Variants in FNDC3B observed in about 807,000 individuals in gnomAD.
The protein encoded by FNDC3B is fibronectin type III domain containing 3B.
A neutral mutation model predicts 151.5 loss-of-function variants in FNDC3B; 12 were observed. The observed-to-expected ratio is 0.08, with a 90% CI of 0.05 to 0.13. The LOEUF (loss-of-function observed/expected upper bound fraction) is 0.13, where lower values mean the gene tolerates loss of function less well. Among genes scored for constraint, FNDC3B ranks in the 10% least tolerant of loss-of-function variants. FNDC3B has a pLI of 1.00. For synonymous variants in FNDC3B, 528 were observed against 549.0 expected (o/e 0.96, Z 0.54); for missense variants, 1,214 against 1,505.3 (o/e 0.81, Z 3.20).
intron 3 of FNDC3B, among the ~76,000 whole-genome samples, chr3:172,141,058 A>G (rs1721603297): frequency 1.3e-5 from 2 of 151,666 alleles, no homozygotes; most frequent in Admixed American, 1.3e-4. Context: ...GATAGTACCT[A>G]TCTGATAGGA....
At chr3:172,371,206 A>G (rs1734864788) in intron 23 of FNDC3B, among the ~76,000 whole-genome samples, 1 of 151,944 alleles carries the variant, frequency 6.6e-6, no homozygotes, top group Non-Finnish European at 1.5e-5. Flanking sequence ...ATCCTCCTGT[A>G]TACTTTAAAT....
At chr3:172,258,613 C>G (rs998491832) in intron 6 of FNDC3B, among the ~76,000 whole-genome samples, 9 of 152,096 alleles carry the variant, frequency 5.9e-5, no homozygotes, top group African/African-American at 2.2e-4. Context: ...ATTTTTGGGT[C>G]CTTGGAGTCT....
chr3:172,145,251 A>C (rs1721842001), intron 3 of FNDC3B, among the ~76,000 whole-genome samples: 1 of 152,170 alleles, frequency 6.6e-6, no homozygotes, highest in African/African-American at 2.4e-5. Context: ...TTTCTGTTCC[A>C]AATTGATAAG....
At chr3:172,371,682 T>C (rs1233390314) in intron 23 of FNDC3B, among the ~76,000 whole-genome samples, 1 of 152,236 alleles carries the variant, frequency 6.6e-6, no homozygotes, top group Non-Finnish European at 1.5e-5. Context: ...TGCCCGACGC[T>C]ATGGGCAGTG....
intron 3 of FNDC3B, among the ~76,000 whole-genome samples, chr3:172,189,009 T>A (rs941684862): frequency 1.4e-4 from 22 of 152,210 alleles, no homozygotes; most frequent in Admixed American, 1.4e-3. Context: ...GAATGAATCA[T>A]CTCACTGGGA....
At chr3:172,154,841 A>C (rs950809462) in intron 3 of FNDC3B, among the ~76,000 whole-genome samples, 5 of 152,076 alleles carry the variant, frequency 3.3e-5, no homozygotes, top group African/African-American at 1.2e-4. Flanking sequence ...CCTGCTTTTG[A>C]GCCTTCGTGA....
rs754470596 is a variant in FNDC3B, at chr3:172,307,504, G to A, written c.1200+3G>A. On this transcript the variant is annotated splice_donor_region_variant and intron_variant, in intron 10 of 25. Transcript: ENST00000415807. Reference sequence around the variant, plus strand: ...GTTCACTAACCCTGCAGTGGAAGGTGGGTAGCTCAAAGCATCAAGAATCGT... The same window carrying A: ...GTTCACTAACCCTGCAGTGGAAGGTAGGTAGCTCAAAGCATCAAGAATCGT... 5 of 1,614,058 alleles carry A rather than the reference G, an allele frequency of 3.1e-6. No homozygotes were observed. The highest frequency in any genetic ancestry group is 4.2e-6 in the Non-Finnish European group (5 of 1,179,978).
intron 4 of FNDC3B, among the ~76,000 whole-genome samples, chr3:172,231,334 G>A (rs1331858092): frequency 2.0e-5 from 3 of 152,112 alleles, no homozygotes; most frequent in Admixed American, 1.3e-4. Context: ...GTTTCTTTGC[G>A]GAGACGAAAA....
intron 3 of FNDC3B, among the ~76,000 whole-genome samples, chr3:172,146,460 G>A (rs1247640303): frequency 1.3e-5 from 2 of 152,118 alleles, no homozygotes; most frequent in African/African-American, 2.4e-5. Flanking sequence ...CTGAGCCCAG[G>A]GGAATTGTCA....
At chr3:172,067,937 G>T (rs991361563) in intron 1 of FNDC3B, among the ~76,000 whole-genome samples, 5 of 152,164 alleles carry the variant, frequency 3.3e-5, no homozygotes, top group African/African-American at 1.2e-4. Context: ...AGAACGTTCA[G>T]GCCATCATCA....
At position 172,092,782 on chromosome 3, in the gene FNDC3B, G is replaced by A. The variant is rs542329284; in HGVS notation, c.-28-19670G>A. On this transcript the variant is annotated intron_variant, in intron 1 of 25. Transcript: ENST00000415807. ...GACACTGTTCACATGGGAGGGTTGT[G>A]TAGGGCAGAGTAGGAAATACATTAG... 3.7e-4 allele frequency among the ~76,000 whole-genome samples: 57 copies of A among 152,316 alleles called. No homozygotes were observed. In the South Asian group the frequency reaches 0.011, roughly 30 times the overall value.
At chr3:172,319,668 C>T (rs955431475) in intron 11 of FNDC3B, among the ~76,000 whole-genome samples, 8 of 152,182 alleles carry the variant, frequency 5.3e-5, no homozygotes, top group African/African-American at 1.9e-4. Flanking sequence ...TCTGAGTCCA[C>T]CCAAATGCAG....
chr3:172,192,176 GTT>G (rs113729648), intron 3 of FNDC3B, among the ~76,000 whole-genome samples: 3,027 of 137,026 alleles, frequency 0.022, 110 homozygotes, highest in African/African-American at 0.079. Flanking sequence ...TGTGTTTTTT[GTT>G]TTTTTTTTTT....
intron 3 of FNDC3B, among the ~76,000 whole-genome samples, chr3:172,165,372 A>G (rs368250199): frequency 3.5e-4 from 53 of 152,212 alleles, no homozygotes; most frequent in African/African-American, 1.3e-3. Context: ...CTGTATGTCA[A>G]TTAATTTTTT....
chr3:172,179,475 A>G (rs1228045136), intron 3 of FNDC3B, among the ~76,000 whole-genome samples: 1 of 152,182 alleles, frequency 6.6e-6, no homozygotes, highest in Non-Finnish European at 1.5e-5. Context: ...GATATATGGT[A>G]TGAGCTGGGA....
chr3:172,112,678 T>C lies in FNDC3B; in HGVS notation c.111+88T>C. On this transcript the variant is annotated intron_variant, in intron 2 of 25. Transcript: ENST00000415807. ...TTGATTTATTTTGGGATTCAAAGGT[T>C]TGTGATTTCAAACCTTAGCATTTCT... The C allele has an allele frequency of 7.5e-6, 7 of 933,436 alleles. No homozygotes were observed. The South Asian group carries it at 9.3e-5, about 12-fold the overall frequency. 57.8% of individuals were successfully genotyped at this position (933,436 alleles called of 1,614,324 possible).
At chr3:172,317,509 C>T (rs1409814916) in intron 11 of FNDC3B, among the ~76,000 whole-genome samples, 1 of 152,168 alleles carries the variant, frequency 6.6e-6, no homozygotes, top group East Asian at 1.9e-4. Context: ...AACACATAAA[C>T]ATGGGGGACA....
chr3:172,060,988 C>G (rs1717167672), intron 1 of FNDC3B, among the ~76,000 whole-genome samples: 1 of 152,168 alleles, frequency 6.6e-6, no homozygotes, highest in South Asian at 2.1e-4. Context: ...AACAGAAACC[C>G]ACTTAAGCTA....
chr3:172,349,543 A>G (rs774240797), intron 21 of FNDC3B, among the ~76,000 whole-genome samples: 9 of 152,250 alleles, frequency 5.9e-5, no homozygotes, highest in Non-Finnish European at 1.0e-4. Context: ...GAGCCAAGCT[A>G]GTTAAAAAGA....
Sources: allele counts gnomAD v4.1 joint callset (sites outside exome capture counted in the v4.1 genomes callset), GRCh38; gene constraint gnomAD v4.1.1; transcripts MANE v1.5; gene names NCBI Gene and HGNC (gene_info 2026-07-23, HGNC 2026-07-21).